Variants in TG observed in about 807,000 individuals in gnomAD.
TG encodes thyroid hormones.
In TG, 270 loss-of-function variants were observed where a neutral mutation model predicts 324.7. That is an observed-to-expected ratio of 0.83 (90% CI 0.75 to 0.92). TG has a LOEUF of 0.92. TG is among the 40% of genes least tolerant of loss of function. The pLI is 0.00. For synonymous variants in TG, 1,401 were observed against 1,327.0 expected (o/e 1.06, Z -1.21); for missense variants, 3,591 against 3,456.4 (o/e 1.04, Z -0.98).
intron 43 of TG, among the ~76,000 whole-genome samples, chr8:133,110,681 T>G (rs1351465422): frequency 6.6e-6 from 1 of 152,242 alleles, no homozygotes; most frequent in Non-Finnish European, 1.5e-5. Flanking sequence ...ACGTTATTTC[T>G]AATTCTCAAA....
chr8:132,896,019 A>G (rs926599056), intron 11 of TG, among the ~76,000 whole-genome samples: 1 of 152,260 alleles, frequency 6.6e-6, no homozygotes, highest in Non-Finnish European at 1.5e-5. Context: ...CCCAGAGCGA[A>G]GTGCCTTTGG....
intron 41 of TG, chr8:133,037,513 T>C (rs1404940220): frequency 6.6e-6 from 1 of 152,210 alleles, no homozygotes; most frequent in Non-Finnish European, 1.5e-5. Context: ...AGCTCCTGAG[T>C]GTCCCTCACC....
At chr8:132,935,643 C>T in intron 24 of TG, 113 bp from the exon 25 acceptor site, 1 of 932,854 alleles carries the variant, frequency 1.1e-6, no homozygotes, top group Non-Finnish European at 1.7e-6. Flanking sequence ...CCAGGAGCAA[C>T]TAACTTACCT....
At chr8:133,127,627 G>A (rs117224175) in intron 45 of TG, among the ~76,000 whole-genome samples, 72 of 152,246 alleles carry the variant, frequency 4.7e-4, no homozygotes, top group Admixed American at 2.1e-3. Context: ...GGTCTAGGCC[G>A]TCACACCTTT....
intron 22 of TG, 148 bp downstream of exon 22, chr8:132,923,656 C>T (rs958801344): frequency 2.6e-5 from 24 of 919,568 alleles, no homozygotes; most frequent in African/African-American, 6.7e-5. Context: ...TTGGAAGAAC[C>T]GCAAAATGAA....
In TG at chr8:132,913,212, A is replaced by G. The variant is rs1819781827; in HGVS notation, c.4325A>G (p.Glu1442Gly). 6.2e-7 allele frequency: 1 copy of G among 1,614,146 alleles called. No homozygotes were observed. The highest frequency in any genetic ancestry group is 1.7e-5 in the Admixed American group (1 of 60,018). Residue 1442 changes from glutamate (E) to glycine (G), a missense_variant, in exon 20 of 48, where the codon GAA (glutamate) becomes GGA (glycine). Transcript: ENST00000220616. ...CCCAGGACATGGTTTGGGTGCTCGGAAGGATTCTACCAAGTCTTGACAAGT... is the reference window on the plus strand; with the variant it reads ...CCCAGGACATGGTTTGGGTGCTCGGGAGGATTCTACCAAGTCTTGACAAGT... ...TSPRTWFGCS[E>G]GFYQVLTSEA...
At chr8:133,112,411 GC>G (rs2131750265) in intron 43 of TG, among the ~76,000 whole-genome samples, 1 of 152,314 alleles carries the variant, frequency 6.6e-6, no homozygotes, top group Non-Finnish European at 1.5e-5. Context: ...ACTTTCCCCT[GC>G]CCATTGTCTT....
chr8:132,869,049 G>C (rs957086481), intron 2 of TG, among the ~76,000 whole-genome samples: 3 of 152,158 alleles, frequency 2.0e-5, no homozygotes, highest in African/African-American at 7.2e-5. Context: ...TAGATCACTG[G>C]GAATTCTGGA....
chr8:132,870,792 A>AT (rs1839415801), intron 3 of TG, among the ~76,000 whole-genome samples: 1 of 152,018 alleles, frequency 6.6e-6, no homozygotes, highest in Non-Finnish European at 1.5e-5. Flanking sequence ...TAGAAGGTGG[A>AT]GGTGCCAGGC....
At chr8:133,103,967 G>A (rs73708857) in intron 43 of TG, among the ~76,000 whole-genome samples, 5,412 of 152,306 alleles carry the variant, frequency 0.036, 307 homozygotes, top group African/African-American at 0.12. Flanking sequence ...CTGAAGTGGG[G>A]CCATTGCAGA....
At chr8:133,096,125 T>C in intron 42 of TG, 81 bp from the exon 43 acceptor site, 3 of 1,535,068 alleles carry the variant, frequency 2.0e-6, no homozygotes, top group Non-Finnish European at 2.7e-6. Context: ...GTATTGGCAT[T>C]CAGTATGGTT....
chr8:133,055,542 C>G (rs1371440426), intron 41 of TG, among the ~76,000 whole-genome samples: 1 of 152,026 alleles, frequency 6.6e-6, no homozygotes, highest in African/African-American at 2.4e-5. Flanking sequence ...GTGTTTGAGA[C>G]CCGGTAGCCC....
chr8:133,016,426 C>T (rs1231831304), intron 37 of TG, among the ~76,000 whole-genome samples: 2 of 152,160 alleles, frequency 1.3e-5, no homozygotes, highest in Admixed American at 1.3e-4. Flanking sequence ...CAGATGTGGC[C>T]AAATGTCCCC....
chr8:132,952,570 A>C (rs1398777170), intron 27 of TG, among the ~76,000 whole-genome samples: 2 of 152,158 alleles, frequency 1.3e-5, no homozygotes, highest in East Asian at 1.9e-4. Flanking sequence ...CACGGGTACT[A>C]TCAGGCTATG....
At chr8:133,071,813 T>C (rs1438197020) in intron 41 of TG, among the ~76,000 whole-genome samples, 4 of 152,214 alleles carry the variant, frequency 2.6e-5, no homozygotes, top group African/African-American at 9.7e-5. Context: ...TTTGTCCTTA[T>C]GTATTTGTTT....
chr8:132,968,456 T>C (rs895338076), intron 31 of TG, among the ~76,000 whole-genome samples: 1 of 152,198 alleles, frequency 6.6e-6, no homozygotes, highest in African/African-American at 2.4e-5. Context: ...AGATAGAAGG[T>C]GATTTTCTCT....
Position 133,087,157 on chromosome 8 carries a change from CAG to C in TG, c.7240-7886_7240-7885del, listed in dbSNP as rs1276873091. Among the ~76,000 whole-genome samples the C allele has an allele frequency of 3.3e-5, 5 of 151,200 alleles. No individual in the cohort carries two copies. The East Asian group carries it at 7.8e-4, about 24-fold the overall frequency. ...CATATTGGAGGCTAATAGCATTTAACAGTGGTTTTCTTTGATTGGGAGGATTA... is the reference window on the plus strand; with the variant it reads ...CATATTGGAGGCTAATAGCATTTAACTGGTTTTCTTTGATTGGGAGGATTA... On this transcript the variant is annotated intron_variant, in intron 41 of 47. Transcript: ENST00000220616.
chr8:133,057,056 T>G (rs1186121556), intron 41 of TG, among the ~76,000 whole-genome samples: 1 of 151,866 alleles, frequency 6.6e-6, no homozygotes, highest in Non-Finnish European at 1.5e-5. Flanking sequence ...GTTTGAGAGG[T>G]CCCTACCTCC....
chr8:133,034,947 T>C (rs1418187528), intron 41 of TG, among the ~76,000 whole-genome samples: 1 of 152,248 alleles, frequency 6.6e-6, no homozygotes, highest in Admixed American at 6.5e-5. Context: ...ATCATCTTTC[T>C]TGATCATGCT....
Sources: gnomAD v4.1 joint callset for allele counts (sites outside exome capture counted in the v4.1 genomes callset) on GRCh38, gnomAD v4.1.1 for gene constraint, MANE v1.5 for transcripts, NCBI Gene and HGNC (gene_info 2026-07-23, HGNC 2026-07-21) for gene names.